Variants in RAB11FIP2 observed in about 807,000 individuals in gnomAD.
The protein encoded by RAB11FIP2 is RAB11 family interacting protein 2.
Under a neutral mutation model 40.9 loss-of-function variants are expected in RAB11FIP2, and 16 were observed. That is an observed-to-expected ratio of 0.39 (90% CI 0.26 to 0.59). The LOEUF is 0.59. Among genes scored for constraint, RAB11FIP2 ranks in the 20% least tolerant of loss-of-function variants. The pLI is 0.53. For missense variants in RAB11FIP2, 532 were observed against 606.2 expected, an observed-to-expected ratio of 0.88 and a Z score of 1.28; for synonymous variants, 228 against 213.7, an observed-to-expected ratio of 1.07 and a Z score of -0.58.
At chr10:118,020,223 C>CT in intron 3 of RAB11FIP2, among the ~76,000 whole-genome samples, 1 of 152,272 alleles carries the variant, frequency 6.6e-6, no homozygotes, top group East Asian at 1.9e-4. Flanking sequence ...GTCATAAACT[C>CT]TGCTTCTTCC....
At chr10:118,035,751 T>C (rs770017515) in intron 3 of RAB11FIP2, among the ~76,000 whole-genome samples, 3 of 152,124 alleles carry the variant, frequency 2.0e-5, no homozygotes, top group Non-Finnish European at 4.4e-5. Context: ...TAGTGAACAA[T>C]GCCATGCCCA....
At position 118,015,048 on chromosome 10, in the gene RAB11FIP2, C is replaced by T. The variant is rs754806125; in HGVS notation, c.1311+17G>A. On this transcript the variant is annotated intron_variant, in intron 4 of 4. Coordinates refer to ENST00000355624, the MANE Select transcript of RAB11FIP2 (RefSeq NM_014904.3). ...AGCTTACTCTTTGACAACCCTCTAACCCCTTCAGCAACTTACCGGGATTTT... is the reference window on the plus strand; with the variant it reads ...AGCTTACTCTTTGACAACCCTCTAATCCCTTCAGCAACTTACCGGGATTTT... 11 of 1,599,996 alleles carry T rather than the reference C, an allele frequency of 6.9e-6. No individual in the cohort carries two copies. The East Asian group carries it at 1.4e-4, about 20-fold the overall frequency.
chr10:118,022,729 G>A (rs993092449), intron 3 of RAB11FIP2, among the ~76,000 whole-genome samples: 2 of 152,176 alleles, frequency 1.3e-5, no homozygotes, highest in Non-Finnish European at 2.9e-5. Context: ...GCCACTTAAA[G>A]GAAGGAACCA....
Position 118,039,327 on chromosome 10 carries a change from A to G in RAB11FIP2, c.910T>C (p.Phe304Leu). The G allele has an allele frequency of 6.2e-7, 1 of 1,613,642 alleles. No individual in the cohort carries two copies. Among genetic ancestry groups the G allele is most frequent in the Non-Finnish European group, 8.5e-7 (1 of 1,179,704 alleles). ...GGTAATGAAGCAGTCACATTTGTAA[A>G]TGGGTCATTTTGTCTTCCGAAACAC... ...ELCFGRQNDP[F>L]TNVTASLPQK... Residue 304 changes from phenylalanine to leucine, a missense_variant, in exon 3 of 5, where the codon TTT becomes CTT. Physicochemically the swap from Phe to Leu is conservative, Grantham distance 22 (BLOSUM62 0). Transcript: ENST00000355624.
intron 4 of RAB11FIP2, among the ~76,000 whole-genome samples, chr10:118,012,677 T>C (rs1846172824): frequency 6.6e-6 from 1 of 152,014 alleles, no homozygotes; most frequent in Admixed American, 6.6e-5. Flanking sequence ...AATTATTTTT[T>C]CGAAAGATTA....
chr10:118,038,907 A>T, intron 3 of RAB11FIP2, 65 bp downstream of exon 3: 1 of 1,057,896 alleles, frequency 9.5e-7, no homozygotes, highest in Non-Finnish European at 1.4e-6. Flanking sequence ...ATTTAAAAGA[A>T]ATATTTGATA....
chr10:118,012,744 A>T (rs1846173253), intron 4 of RAB11FIP2, among the ~76,000 whole-genome samples: 1 of 152,084 alleles, frequency 6.6e-6, no homozygotes, highest in South Asian at 2.1e-4. Flanking sequence ...ACCAAATGCA[A>T]CTTACAATGG....
intron 1 of RAB11FIP2, among the ~76,000 whole-genome samples, chr10:118,045,035 T>C (rs1176510706): frequency 6.6e-6 from 1 of 152,186 alleles, no homozygotes; most frequent in Admixed American, 6.5e-5. Context: ...AAAATGTATC[T>C]AACTCAAGCT....
Position 118,039,183 on chromosome 10 carries a change from CT to C in RAB11FIP2, c.1053del (p.Glu352ArgfsTer12), listed in dbSNP as rs765384082. The C allele has an allele frequency of 6.2e-7, 1 of 1,613,646 alleles. No individual in the cohort carries two copies. The highest frequency in any genetic ancestry group is 8.5e-7 in the Non-Finnish European group (1 of 1,179,778). On this transcript the variant is annotated frameshift_variant, in exon 3 of 5. Transcript: ENST00000355624. LOFTEE classifies it high-confidence loss of function. ...KPIEIRKENKREKREKVSLFE... is the reference protein window; with the variant it reads ...KPIEIRKENKXEKREKVSLFE... ...AACAGGCTAACTTTCTCCCTTTTCTCTCTTTTATTTTCTTTTCTTATTTCAA... is the reference window on the plus strand; with the variant it reads ...AACAGGCTAACTTTCTCCCTTTTCTCCTTTTATTTTCTTTTCTTATTTCAA...
chr10:118,023,446 T>C (rs540490620), intron 3 of RAB11FIP2, among the ~76,000 whole-genome samples: 1 of 152,318 alleles, frequency 6.6e-6, no homozygotes, highest in East Asian at 1.9e-4. Flanking sequence ...AAATTAATGA[T>C]ATTACAGATG....
chr10:118,030,878 T>A (rs1433719446), intron 3 of RAB11FIP2, among the ~76,000 whole-genome samples: 1 of 152,088 alleles, frequency 6.6e-6, no homozygotes, highest in Admixed American at 6.6e-5. Context: ...AGTATTAGGA[T>A]GACAAAGGGT....
Position 118,039,251 on chromosome 10 carries a change from C to G in RAB11FIP2, c.986G>C (p.Ser329Thr), listed in dbSNP as rs1290889531. 14 of 1,613,574 alleles carry G rather than the reference C, an allele frequency of 8.7e-6. No homozygotes were observed. The highest frequency in any genetic ancestry group is 2.7e-5 in the African/African-American group (2 of 74,890). ...ATTCATGCTGCTGTCCCATGTTTCG[C>G]TGCTTTCTTCAAATGGATTTTTCTT... is the stretch of plus-strand genomic sequence containing the variant. ...PRKKNPFEES[S>T]ETWDSSMNLF... The change falls in exon 3 of 5, where the codon AGC becomes ACC. Residue 329 changes from serine (S) to threonine (T), a missense_variant. Coordinates refer to ENST00000355624, the MANE Select transcript of RAB11FIP2 (RefSeq NM_014904.3).
intron 3 of RAB11FIP2, among the ~76,000 whole-genome samples, chr10:118,025,005 C>G (rs1846327001): frequency 6.6e-6 from 1 of 151,682 alleles, no homozygotes; most frequent in Non-Finnish European, 1.5e-5. Context: ...ATGCAAGCCA[C>G]AGGCTCCTAC....
intron 3 of RAB11FIP2, among the ~76,000 whole-genome samples, chr10:118,034,737 A>T (rs1488725954): frequency 2.6e-5 from 4 of 152,146 alleles, no homozygotes; most frequent in Non-Finnish European, 4.4e-5. Context: ...AAATACAAAC[A>T]ACTTAGTACC....
At chr10:118,010,894 C>T (rs898674522) in intron 4 of RAB11FIP2, among the ~76,000 whole-genome samples, 2 of 151,790 alleles carry the variant, frequency 1.3e-5, no homozygotes, top group East Asian at 3.9e-4. Context: ...CTGGAAAATA[C>T]TGTACAGGAC....
At position 118,023,856 on chromosome 10, in the gene RAB11FIP2, A is replaced by C. The variant is rs1189416335; in HGVS notation, c.1266-8746T>G. 3.3e-5 allele frequency among the ~76,000 whole-genome samples: 5 copies of C among 152,158 alleles called. No homozygotes were observed. In the East Asian group the frequency reaches 9.6e-4, roughly 29 times the overall value. ...CCTGTAATTTCAGCACTCTGGGAGG[A>C]GGCAGGCGGATCACTTGAGGTCAGG... On this transcript the variant is annotated intron_variant, in intron 3 of 4. Coordinates refer to ENST00000355624, the MANE Select transcript of RAB11FIP2 (RefSeq NM_014904.3).
At position 118,015,076 on chromosome 10, in the gene RAB11FIP2, T is replaced by G; in HGVS notation, c.1300A>C (p.Arg434=). ...CTTCAGCAACTTACCGGGATTTTCC[T>G]GAGGTCTTCATTGCTTGTTGGACTC... ...HMSPTSNEDL[R]KIPDSNPFDA... The change falls in exon 4 of 5, where the codon AGG becomes CGG. Residue 434 remains arginine, a synonymous_variant. Coordinates refer to ENST00000355624, the MANE Select transcript of RAB11FIP2 (RefSeq NM_014904.3). 1 of 1,610,074 alleles carries G rather than the reference T, an allele frequency of 6.2e-7. No homozygotes were observed. Among genetic ancestry groups the G allele is most frequent in the Non-Finnish European group, 8.5e-7 (1 of 1,177,606 alleles).
intron 3 of RAB11FIP2, among the ~76,000 whole-genome samples, chr10:118,035,575 G>T (rs532434489): frequency 6.6e-6 from 1 of 152,082 alleles, no homozygotes; most frequent in Non-Finnish European, 1.5e-5. Flanking sequence ...TACACTGTGT[G>T]CATTAAGAAA....
At chr10:118,033,529 C>T (rs1846443171) in intron 3 of RAB11FIP2, among the ~76,000 whole-genome samples, 2 of 152,100 alleles carry the variant, frequency 1.3e-5, no homozygotes, top group African/African-American at 4.8e-5. Context: ...CAAAAAAGAA[C>T]ACTCAGAGAT....
Sources: gnomAD v4.1 joint callset for allele counts (sites outside exome capture counted in the v4.1 genomes callset) on GRCh38, gnomAD v4.1.1 for gene constraint, MANE v1.5 for transcripts, NCBI Gene and HGNC (gene_info 2026-07-23, HGNC 2026-07-21) for gene names.